TSPAN18: variants seen among roughly 807,000 people sequenced by gnomAD.
TSPAN18 encodes the protein tetraspanin 18, also known as tetraspanin-18.
A neutral mutation model predicts 27.3 loss-of-function variants in TSPAN18; 14 were observed. The observed-to-expected ratio is 0.51, with a 90% CI of 0.34 to 0.80. The LOEUF (loss-of-function observed/expected upper bound fraction) is 0.80. Among genes scored for constraint, TSPAN18 ranks in the 30% least tolerant of loss-of-function variants. The pLI, the probability that TSPAN18 is intolerant of heterozygous loss-of-function variation, is 0.01. For synonymous variants in TSPAN18, 143 were observed against 136.5 expected, an observed-to-expected ratio of 1.05 and a Z score of -0.33; for missense variants, 268 against 323.9, an observed-to-expected ratio of 0.83 and a Z score of 1.32.
At chr11:44,829,201 A>G (rs1857105745) in intron 2 of TSPAN18, among the ~76,000 whole-genome samples, 1 of 152,162 alleles carries the variant, frequency 6.6e-6, no homozygotes, top group Non-Finnish European at 1.5e-5. Context: ...ACTAAAGTTC[A>G]TAGTTTCCAT....
chr11:44,738,094 G>C (rs918832510), intron 1 of TSPAN18, among the ~76,000 whole-genome samples: 1 of 152,146 alleles, frequency 6.6e-6, no homozygotes, highest in Non-Finnish European at 1.5e-5. Context: ...GGCAGTGCCT[G>C]TCTGTTCTTC....
At chr11:44,911,017 T>A (rs954619151) in intron 5 of TSPAN18, among the ~76,000 whole-genome samples, 2 of 152,316 alleles carry the variant, frequency 1.3e-5, no homozygotes, top group Non-Finnish European at 2.9e-5. Context: ...TCTCCTGGAT[T>A]CCCATGGGTG....
rs1856650614 is a variant in TSPAN18, at chr11:44,808,572, ACATCCTC to A, written c.-153+44063_-153+44069del. On this transcript the variant is annotated intron_variant, in intron 2 of 9. Transcript: ENST00000520358. ...ATAGGAGTGAGTGACATGTACAAAT[ACATCCTC>A]CAGAGACCTTGGGGGAGGGAGGTGA... Among the ~76,000 whole-genome samples, 10 of 152,284 alleles carry A rather than the reference ACATCCTC, an allele frequency of 6.6e-5. No homozygotes were observed. In the South Asian group the frequency reaches 8.3e-4, roughly 13 times the overall value.
intron 3 of TSPAN18, among the ~76,000 whole-genome samples, chr11:44,877,987 G>C (rs964254447): frequency 6.6e-6 from 1 of 151,732 alleles, no homozygotes; most frequent in South Asian, 2.1e-4. Flanking sequence ...GTGTGTGCAC[G>C]TGCACACACA....
chr11:44,927,330 C>T (rs1039613881), intron 9 of TSPAN18, among the ~76,000 whole-genome samples: 7 of 152,196 alleles, frequency 4.6e-5, no homozygotes, highest in African/African-American at 1.7e-4. Context: ...CTGGGATCTC[C>T]ATCATCTGGG....
In TSPAN18 at chr11:44,730,903, C is replaced by T. The variant is rs548699722; in HGVS notation, c.-240+3616C>T. ...CCTCCCAAAGTGCTGAGATTACAGG[C>T]GTGAGCCACTGCACTTGGCTTTTGA... On this transcript the variant is annotated intron_variant, in intron 1 of 9. Transcript: ENST00000520358. Among the ~76,000 whole-genome samples the T allele has an allele frequency of 1.7e-4, 26 of 152,228 alleles. 1 individual carries two copies. Among genetic ancestry groups the T allele is most frequent in the Admixed American group, 4.6e-4 (7 of 15,292 alleles).
At chr11:44,814,651 A>T (rs1856783565) in intron 2 of TSPAN18, among the ~76,000 whole-genome samples, 1 of 146,550 alleles carries the variant, frequency 6.8e-6, no homozygotes, top group Non-Finnish European at 1.5e-5. Flanking sequence ...TTGGTGGTAG[A>T]ATCCATCCAT....
chr11:44,873,949 C>T (rs1324492623), intron 3 of TSPAN18, among the ~76,000 whole-genome samples: 1 of 152,182 alleles, frequency 6.6e-6, no homozygotes, highest in Admixed American at 6.5e-5. Flanking sequence ...TAGGTTTGTT[C>T]CAGCTCTGCC....
At chr11:44,867,998 G>T (rs1590605856) in intron 3 of TSPAN18, among the ~76,000 whole-genome samples, 1 of 152,202 alleles carries the variant, frequency 6.6e-6, no homozygotes, top group Non-Finnish European at 1.5e-5. Flanking sequence ...AGGGAGGTGG[G>T]ATAATGGTTG....
intron 2 of TSPAN18, among the ~76,000 whole-genome samples, chr11:44,807,558 A>G (rs1030419325): frequency 6.6e-6 from 1 of 151,434 alleles, no homozygotes; most frequent in African/African-American, 2.4e-5. Context: ...AAAAGAAAAG[A>G]AAAAAGAATA....
At chr11:44,916,000 C>T (rs2135356190) in intron 5 of TSPAN18, among the ~76,000 whole-genome samples, 1 of 152,288 alleles carries the variant, frequency 6.6e-6, no homozygotes, top group Non-Finnish European at 1.5e-5. Flanking sequence ...GGGACAGAAA[C>T]CAGCCAGCAA....
chr11:44,848,323 A>G (rs1368429671), intron 2 of TSPAN18, among the ~76,000 whole-genome samples: 1 of 152,152 alleles, frequency 6.6e-6, no homozygotes, highest in Non-Finnish European at 1.5e-5. Context: ...TACCCTAGGA[A>G]CCAGGCCCCT....
chr11:44,891,033 T>C (rs1858832464), intron 3 of TSPAN18, among the ~76,000 whole-genome samples: 1 of 152,074 alleles, frequency 6.6e-6, no homozygotes, highest in Admixed American at 6.5e-5. Context: ...TAGCTGCGCA[T>C]AGTGGCATGC....
At position 44,731,633 on chromosome 11, in the gene TSPAN18, T is replaced by TGTGTGTGTGTGTGAGAGA. The variant is rs139154582; in HGVS notation, c.-240+4347_-240+4348insTGTGTGTGTGTGAGAGAG. Among the ~76,000 whole-genome samples, 300 of 107,432 alleles carry TGTGTGTGTGTGTGAGAGA rather than the reference T, an allele frequency of 2.8e-3. 4 individuals are homozygous for TGTGTGTGTGTGTGAGAGA. The highest frequency in any genetic ancestry group is 4.2e-3 in the Non-Finnish European group (226 of 53,644). 70.5% of individuals were successfully genotyped at this position (107,432 alleles called of 152,430 possible). On this transcript the variant is annotated intron_variant, in intron 1 of 9. Coordinates refer to ENST00000520358, the MANE Select transcript of TSPAN18 (RefSeq NM_130783.5). ...GTGTGTGTGTGTGTGTGTGTGTGTGTGAGAGAGAGAGAGAGAGAGAGAAAA... is the reference window on the plus strand; with the variant it reads ...GTGTGTGTGTGTGTGTGTGTGTGTGTGTGTGTGTGTGTGAGAGAGAGAGAGAGAGAGAGAGAGAGAAAA...
chr11:44,847,341 C>T (rs1590571550), intron 2 of TSPAN18, among the ~76,000 whole-genome samples: 2 of 152,212 alleles, frequency 1.3e-5, no homozygotes, highest in African/African-American at 4.8e-5. Context: ...CATTGACCTC[C>T]TGTGAGTTAC....
intron 3 of TSPAN18, among the ~76,000 whole-genome samples, chr11:44,899,070 G>A (rs765748703): frequency 1.3e-5 from 2 of 152,164 alleles, no homozygotes; most frequent in South Asian, 2.1e-4. Flanking sequence ...TGAGGCAGAC[G>A]TCACATGGAA....
At chr11:44,898,869 G>C (rs1463264719) in intron 3 of TSPAN18, among the ~76,000 whole-genome samples, 1 of 152,136 alleles carries the variant, frequency 6.6e-6, no homozygotes, top group Non-Finnish European at 1.5e-5. Context: ...TATGACTTTT[G>C]AATGTGTGTC....
At chr11:44,801,159 G>A (rs139771354) in intron 2 of TSPAN18, among the ~76,000 whole-genome samples, 44 of 152,254 alleles carry the variant, frequency 2.9e-4, no homozygotes, top group Middle Eastern at 3.4e-3. Flanking sequence ...CAGGATTGTC[G>A]GATTGTTGGG....
At chr11:44,920,581 G>A (rs1049142804) in intron 8 of TSPAN18, among the ~76,000 whole-genome samples, 10 of 152,114 alleles carry the variant, frequency 6.6e-5, no homozygotes, top group African/African-American at 2.4e-4. Context: ...TGTGCCTCCT[G>A]CCCACACACC....
Sources: allele counts gnomAD v4.1 joint callset (sites outside exome capture counted in the v4.1 genomes callset), GRCh38; gene constraint gnomAD v4.1.1; transcripts MANE v1.5; gene names NCBI Gene and HGNC (gene_info 2026-07-23, HGNC 2026-07-21).